The following MAF variants were observed in gnomAD, a reference collection of about 807,000 sequenced individuals.
MAF encodes the protein transcription factor Maf.
MAF carries 10 observed loss-of-function variants against 22.0 expected under a neutral mutation model. That is an observed-to-expected ratio of 0.45 (90% CI 0.28 to 0.77). MAF has a LOEUF of 0.77. Ranked by LOEUF, MAF falls within the 30% of genes least tolerant of loss-of-function variation. The pLI is 0.12. For missense variants in MAF, 544 were observed against 548.4 expected (o/e 0.99, Z 0.08); for synonymous variants, 337 against 255.8 (o/e 1.32, Z -3.03).
At chr16:79,386,360 A>C in the MAF span, among the ~76,000 whole-genome samples, 110 of 152,320 alleles carry the variant, frequency 7.2e-4, 1 homozygote, top group African/African-American at 2.5e-3. Flanking sequence ...TTAGATTCTC[A>C]TAAGGAACAT....
the MAF span, among the ~76,000 whole-genome samples, chr16:79,485,200 G>T: frequency 6.6e-6 from 1 of 152,188 alleles, no homozygotes; most frequent in African/African-American, 2.4e-5. Flanking sequence ...ACTACTTGCT[G>T]TGTGACCCTG....
the MAF span, among the ~76,000 whole-genome samples, chr16:79,371,129 A>AT: frequency 2.1e-3 from 310 of 148,528 alleles, no homozygotes; most frequent in African/African-American, 4.8e-3. Flanking sequence ...ATTCATTCAC[A>AT]TTTTTTTTTT....
At chr16:79,404,767 T>C in the MAF span, among the ~76,000 whole-genome samples, 1 of 152,114 alleles carries the variant, frequency 6.6e-6, no homozygotes, top group African/African-American at 2.4e-5. Flanking sequence ...CAGACTGACA[T>C]AGGCGTGTAA....
the MAF span, among the ~76,000 whole-genome samples, chr16:79,328,913 G>A: frequency 6.6e-6 from 1 of 152,088 alleles, no homozygotes; most frequent in Non-Finnish European, 1.5e-5. Flanking sequence ...TTAGTGCTAA[G>A]GGCATAACTG....
chr16:79,288,371 A>G, the MAF span, among the ~76,000 whole-genome samples: 1 of 152,132 alleles, frequency 6.6e-6, no homozygotes, highest in Non-Finnish European at 1.5e-5. Context: ...AGCCGGTTAC[A>G]TAAGAATCCC....
At chr16:79,501,686 A>G in the MAF span, among the ~76,000 whole-genome samples, 2 of 152,206 alleles carry the variant, frequency 1.3e-5, no homozygotes, top group Admixed American at 1.3e-4. Context: ...TATTTCCACC[A>G]GAAAAAAATT....
At chr16:79,568,854 T>C in the MAF span, among the ~76,000 whole-genome samples, 1 of 152,236 alleles carries the variant, frequency 6.6e-6, no homozygotes, top group Non-Finnish European at 1.5e-5. Flanking sequence ...TGAGCACTTC[T>C]AGGGGCTTTA....
chr16:79,474,151 A>G, the MAF span, among the ~76,000 whole-genome samples: 1 of 152,132 alleles, frequency 6.6e-6, no homozygotes, highest in East Asian at 1.9e-4. Flanking sequence ...TGGAGGGATA[A>G]CCTAGAATTA....
chr16:79,431,722 T>A, the MAF span, among the ~76,000 whole-genome samples: 1 of 152,210 alleles, frequency 6.6e-6, no homozygotes, highest in Non-Finnish European at 1.5e-5. Context: ...TTCATTTGCA[T>A]CACTAGCAGG....
the MAF span, among the ~76,000 whole-genome samples, chr16:79,502,919 C>T: frequency 1.3e-5 from 2 of 151,010 alleles, no homozygotes; most frequent in Admixed American, 6.6e-5. Context: ...AAACAGTACA[C>T]TAAAACTACA....
the MAF span, among the ~76,000 whole-genome samples, chr16:79,250,865 T>G: frequency 6.6e-6 from 1 of 152,214 alleles, no homozygotes; most frequent in Non-Finnish European, 1.5e-5. Context: ...GTCCCAGAAC[T>G]TGGGACTTTC....
At chr16:79,517,957 C>A in the MAF span, among the ~76,000 whole-genome samples, 8 of 152,296 alleles carry the variant, frequency 5.3e-5, 1 homozygote, top group South Asian at 4.1e-4. Flanking sequence ...TTGCCAAGAC[C>A]TACAGCTCTG....
the MAF span, among the ~76,000 whole-genome samples, chr16:79,330,984 G>C: frequency 5.3e-5 from 8 of 152,198 alleles, no homozygotes; most frequent in Non-Finnish European, 1.0e-4. Flanking sequence ...GCGAACAATG[G>C]TAAGAAGCCA....
chr16:79,306,396 G>T, the MAF span, among the ~76,000 whole-genome samples: 1 of 152,180 alleles, frequency 6.6e-6, no homozygotes, highest in Non-Finnish European at 1.5e-5. Flanking sequence ...TGTATGGAGT[G>T]CCTACAATAT....
At chr16:79,581,803 G>T (rs138954817), downstream of MAF, among the ~76,000 whole-genome samples, 4 of 152,252 alleles carry the variant, frequency 2.6e-5, no homozygotes, top group East Asian at 7.7e-4. Context: ...TGCACCCCTG[G>T]ATTGTTAATT....
chr16:79,325,231 C>G, the MAF span, among the ~76,000 whole-genome samples: 1 of 152,156 alleles, frequency 6.6e-6, no homozygotes, highest in African/African-American at 2.4e-5. Flanking sequence ...CAAATACTTT[C>G]AAGAGTAAAT....
chr16:79,235,865 A>G, the MAF span, among the ~76,000 whole-genome samples: 2 of 152,024 alleles, frequency 1.3e-5, no homozygotes, highest in African/African-American at 4.8e-5. Context: ...CTGATAGTGG[A>G]ATTCAGAAGC....
the MAF span, among the ~76,000 whole-genome samples, chr16:79,437,394 G>A: frequency 6.6e-6 from 1 of 152,148 alleles, no homozygotes; most frequent in Non-Finnish European, 1.5e-5. Context: ...CCACCGTGTG[G>A]CCTGTTTGAG....
At chr16:79,512,907 C>T in the MAF span, among the ~76,000 whole-genome samples, 1 of 152,168 alleles carries the variant, frequency 6.6e-6, no homozygotes, top group Non-Finnish European at 1.5e-5. Context: ...TATAGGCACA[C>T]GCATCCATCC....
Sources: allele counts gnomAD v4.1 joint callset (sites outside exome capture counted in the v4.1 genomes callset), GRCh38; gene constraint gnomAD v4.1.1; transcripts MANE v1.5; gene names NCBI Gene and HGNC (gene_info 2026-07-23, HGNC 2026-07-21).